The following STAP1 variants were observed in gnomAD, a reference collection of about 807,000 sequenced individuals.
STAP1 encodes the protein signal transducing adaptor family member 1, also known as signal-transducing adaptor protein 1.
In STAP1, 30 loss-of-function variants were observed where a neutral mutation model predicts 37.8. That is an observed-to-expected ratio of 0.79 (90% CI 0.59 to 1.08). STAP1 has a LOEUF of 1.08. STAP1 is among the 50% of genes least tolerant of loss of function. The pLI, the probability that STAP1 is intolerant of heterozygous loss-of-function variation, is 0.00. For missense variants in STAP1, 357 were observed against 349.4 expected (o/e 1.02, Z -0.17); for synonymous variants, 130 against 116.0 (o/e 1.12, Z -0.78).
At chr4:67,595,983 T>A (rs1276274234) in intron 8 of STAP1, among the ~76,000 whole-genome samples, 1 of 152,184 alleles carries the variant, frequency 6.6e-6, no homozygotes, top group African/African-American at 2.4e-5. Context: ...ACATTTTGAT[T>A]TATAGGTATT....
At chr4:67,576,049 T>C (rs568092999) in intron 3 of STAP1, among the ~76,000 whole-genome samples, 26 of 152,308 alleles carry the variant, frequency 1.7e-4, no homozygotes, top group African/African-American at 6.0e-4. Context: ...GATACTTGGG[T>C]CTGAATTTGG....
intron 6 of STAP1, among the ~76,000 whole-genome samples, chr4:67,584,083 G>A (rs1156739728): frequency 7.7e-6 from 1 of 129,866 alleles, no homozygotes; most frequent in Non-Finnish European, 1.6e-5. Flanking sequence ...GGGTGACAGA[G>A]TGAGACTCGG....
intron 5 of STAP1, among the ~76,000 whole-genome samples, chr4:67,581,829 C>G (rs1727868332): frequency 6.6e-6 from 1 of 152,090 alleles, no homozygotes; most frequent in Non-Finnish European, 1.5e-5. Context: ...AAAATTATAC[C>G]AATAAATTTT....
intron 1 of STAP1, among the ~76,000 whole-genome samples, chr4:67,566,482 A>G (rs143849587): frequency 4.6e-5 from 7 of 152,320 alleles, no homozygotes; most frequent in Non-Finnish European, 1.0e-4. Context: ...AAGAGCCACA[A>G]GCTGAACCTC....
At chr4:67,588,495 C>T (rs924921085) in intron 6 of STAP1, among the ~76,000 whole-genome samples, 9 of 152,078 alleles carry the variant, frequency 5.9e-5, no homozygotes, top group African/African-American at 1.2e-4. Flanking sequence ...CTGCCATCTC[C>T]GCCTCCCGGG....
intron 8 of STAP1, among the ~76,000 whole-genome samples, chr4:67,601,276 A>C (rs752016328): frequency 2.6e-5 from 4 of 152,090 alleles, no homozygotes; most frequent in African/African-American, 9.7e-5. Flanking sequence ...CTATGTACCC[A>C]CACTTTTAAA....
At chr4:67,570,017 A>C (rs1727565399) in intron 1 of STAP1, among the ~76,000 whole-genome samples, 1 of 152,130 alleles carries the variant, frequency 6.6e-6, no homozygotes, top group Non-Finnish European at 1.5e-5. Context: ...AGCGTGAGCC[A>C]CCAGGCCCAG....
At chr4:67,593,601 T>C (rs1203839678) in intron 8 of STAP1, among the ~76,000 whole-genome samples, 3 of 152,254 alleles carry the variant, frequency 2.0e-5, no homozygotes, top group Non-Finnish European at 2.9e-5. Flanking sequence ...GTATTACTAT[T>C]AACTTCATTC....
chr4:67,577,264 G>A lies in STAP1; in HGVS notation c.363+5G>A, dbSNP rs764911181. Reference sequence around the variant, plus strand: ...TTCATTCTTACAGTAACAGAGGTAGGAAGCTCACTGCTTTTGATTGATTCT... The same window carrying A: ...TTCATTCTTACAGTAACAGAGGTAGAAAGCTCACTGCTTTTGATTGATTCT... On this transcript the variant is annotated splice_donor_5th_base_variant and intron_variant, in intron 4 of 8. Transcript: ENST00000265404. The A allele has an allele frequency of 5.6e-6, 9 of 1,601,836 alleles. No homozygotes were observed. The highest frequency in any genetic ancestry group is 7.7e-6 in the Non-Finnish European group (9 of 1,175,206).
At chr4:67,595,504 G>A (rs1463914971) in intron 8 of STAP1, among the ~76,000 whole-genome samples, 1 of 151,548 alleles carries the variant, frequency 6.6e-6, no homozygotes, top group Non-Finnish European at 1.5e-5. Context: ...AATGCACAAT[G>A]TGAAAGGGCA....
chr4:67,575,483 G>C lies in STAP1; in HGVS notation c.291G>C (p.Glu97Asp), dbSNP rs779392825. Residue 97 changes from glutamate (E) to aspartate (D), a missense_variant, in exon 3 of 9, where the codon GAG becomes GAC. Coordinates refer to ENST00000265404, the MANE Select transcript of STAP1 (RefSeq NM_012108.4). ...AATTCACCCTTGTTTTGCCGAAAGA[G>C]GAAGTACAACTGAAGGTGAGCGAGG... ...CAKFTLVLPK[E>D]EVQLKTENTE... The C allele has an allele frequency of 2.2e-5, 35 of 1,610,008 alleles. No individual in the cohort carries two copies. Among genetic ancestry groups the C allele is most frequent in the Non-Finnish European group, 2.2e-5 (26 of 1,178,454 alleles).
At chr4:67,579,182 G>T (rs1560460558) in intron 4 of STAP1, among the ~76,000 whole-genome samples, 1 of 152,116 alleles carries the variant, frequency 6.6e-6, no homozygotes. Flanking sequence ...AAGACAAGTT[G>T]CCTCAAATTG....
At chr4:67,570,427 G>T (rs757404262) in intron 1 of STAP1, among the ~76,000 whole-genome samples, 1 of 152,062 alleles carries the variant, frequency 6.6e-6, no homozygotes, top group Non-Finnish European at 1.5e-5. Flanking sequence ...TCATATAGGC[G>T]GTTTGTCATC....
intron 5 of STAP1, 93 bp from the exon 6 acceptor site, chr4:67,583,481 G>A: frequency 7.5e-7 from 1 of 1,336,312 alleles, no homozygotes; most frequent in Middle Eastern, 2.6e-4. Flanking sequence ...GTTAGCAACT[G>A]CAGCTCTCAA....
chr4:67,572,811 C>T (rs555723567), intron 2 of STAP1, among the ~76,000 whole-genome samples: 6 of 152,236 alleles, frequency 3.9e-5, no homozygotes, highest in Non-Finnish European at 5.9e-5. Flanking sequence ...AGAATGGGTG[C>T]TATTTTAATT....
intron 8 of STAP1, among the ~76,000 whole-genome samples, chr4:67,602,424 A>G (rs1019434485): frequency 6.6e-6 from 1 of 152,208 alleles, no homozygotes; most frequent in African/African-American, 2.4e-5. Flanking sequence ...TCTGGGCATT[A>G]AAGAGTTAGG....
At chr4:67,600,886 T>G (rs1728328331) in intron 8 of STAP1, among the ~76,000 whole-genome samples, 1 of 152,202 alleles carries the variant, frequency 6.6e-6, no homozygotes, top group Non-Finnish European at 1.5e-5. Flanking sequence ...GTATGTTTCT[T>G]GTAGGCAACA....
intron 1 of STAP1, among the ~76,000 whole-genome samples, chr4:67,560,643 G>GGGGT (rs370510074): frequency 0.045 from 6,664 of 149,494 alleles, 180 homozygotes; most frequent in African/African-American, 0.055. Context: ...TGTGTGTGTG[G>GGGGT]GTGTGTGTCT....
chr4:67,561,366 T>TG (rs1374664289), intron 1 of STAP1, among the ~76,000 whole-genome samples: 1 of 152,198 alleles, frequency 6.6e-6, no homozygotes, highest in Non-Finnish European at 1.5e-5. Context: ...AATGTAAAGT[T>TG]GGGTCTCTGC....
Sources: allele counts gnomAD v4.1 joint callset (sites outside exome capture counted in the v4.1 genomes callset), GRCh38; gene constraint gnomAD v4.1.1; transcripts MANE v1.5; gene names NCBI Gene and HGNC (gene_info 2026-07-23, HGNC 2026-07-21).